The following CHSY3 variants were observed in gnomAD, a reference collection of about 807,000 sequenced individuals.
The protein encoded by CHSY3 is N-acetylgalactosaminyl-proteoglycan 3-beta-glucuronosyltransferase 3.
Under a neutral mutation model 67.2 loss-of-function variants are expected in CHSY3, and 35 were observed. The observed-to-expected ratio is 0.52, with a 90% CI of 0.40 to 0.69. The LOEUF is 0.69. Among genes scored for constraint, CHSY3 ranks in the 30% least tolerant of loss-of-function variants. CHSY3 has a pLI of 0.00. For missense variants in CHSY3, 1,069 were observed against 1,138.5 expected, an observed-to-expected ratio of 0.94 and a Z score of 0.88; for synonymous variants, 474 against 434.7, an observed-to-expected ratio of 1.09 and a Z score of -1.12.
At chr5:129,962,607 C>G (rs1452890579) in intron 2 of CHSY3, among the ~76,000 whole-genome samples, 3 of 152,020 alleles carry the variant, frequency 2.0e-5, no homozygotes, top group Non-Finnish European at 4.4e-5. Context: ...TGAGATCCTG[C>G]ATGGTCTGAC....
At chr5:130,001,357 TA>T in intron 2 of CHSY3, 1 of 821,446 alleles carries the variant, frequency 1.2e-6, no homozygotes, top group South Asian at 5.6e-5. Context: ...TCTTTCATTT[TA>T]AAATTCTTCT....
At chr5:129,935,894 C>A (rs1389417015) in intron 2 of CHSY3, among the ~76,000 whole-genome samples, 1 of 152,052 alleles carries the variant, frequency 6.6e-6, no homozygotes, top group Non-Finnish European at 1.5e-5. Flanking sequence ...AATCAAATTT[C>A]TGCAGAGGAG....
chr5:129,977,090 T>C (rs1312391978), intron 2 of CHSY3, among the ~76,000 whole-genome samples: 1 of 152,116 alleles, frequency 6.6e-6, no homozygotes. Flanking sequence ...AACCTTATGG[T>C]AGAAATTATT....
chr5:130,059,446 C>T (rs2149675704), intron 2 of CHSY3, among the ~76,000 whole-genome samples: 2 of 151,558 alleles, frequency 1.3e-5, no homozygotes, highest in East Asian at 1.9e-4. Context: ...CTCCTTCCCC[C>T]TCCCCCTCTC....
At chr5:130,126,726 A>T (rs1287961212) in intron 2 of CHSY3, among the ~76,000 whole-genome samples, 1 of 152,188 alleles carries the variant, frequency 6.6e-6, no homozygotes, top group African/African-American at 2.4e-5. Context: ...CTTTTCTGTC[A>T]CATAATTTAG....
At chr5:130,114,749 G>T (rs1232326735) in intron 2 of CHSY3, among the ~76,000 whole-genome samples, 1 of 152,124 alleles carries the variant, frequency 6.6e-6, no homozygotes, top group Non-Finnish European at 1.5e-5. Context: ...CAAAATATCT[G>T]CAAGTAGTGT....
At chr5:129,999,120 C>A (rs930251888) in intron 2 of CHSY3, among the ~76,000 whole-genome samples, 1 of 127,944 alleles carries the variant, frequency 7.8e-6, no homozygotes, top group Admixed American at 8.6e-5. Flanking sequence ...TAGCTCCCCC[C>A]TCCCTTTTTT....
intron 2 of CHSY3, among the ~76,000 whole-genome samples, chr5:129,937,249 G>A (rs531097145): frequency 1.3e-5 from 2 of 152,280 alleles, no homozygotes; most frequent in African/African-American, 4.8e-5. Context: ...GGAAGGTGAA[G>A]GGGAAGCAGG....
intron 2 of CHSY3, among the ~76,000 whole-genome samples, chr5:130,131,426 C>T (rs928494133): frequency 2.6e-5 from 4 of 152,152 alleles, no homozygotes; most frequent in African/African-American, 7.2e-5. Context: ...TCATACCACT[C>T]GTCTGCTTAA....
At chr5:130,151,505 C>T (rs1035010929) in intron 2 of CHSY3, among the ~76,000 whole-genome samples, 3 of 152,168 alleles carry the variant, frequency 2.0e-5, no homozygotes, top group Non-Finnish European at 4.4e-5. Context: ...GGGAACGTGG[C>T]TGTTGTGTTA....
intron 2 of CHSY3, among the ~76,000 whole-genome samples, chr5:130,046,316 T>A (rs929372487): frequency 3.9e-5 from 6 of 152,156 alleles, no homozygotes; most frequent in African/African-American, 1.4e-4. Context: ...TCTGTTATAC[T>A]ATTCTTTTAG....
chr5:129,952,786 G>A (rs1215784904), intron 2 of CHSY3, among the ~76,000 whole-genome samples: 2 of 152,164 alleles, frequency 1.3e-5, no homozygotes, highest in African/African-American at 2.4e-5. Flanking sequence ...CAGGAAGAGA[G>A]GAAAAGTAAC....
intron 2 of CHSY3, among the ~76,000 whole-genome samples, chr5:130,025,648 G>T (rs1453557595): frequency 6.6e-6 from 1 of 151,454 alleles, no homozygotes; most frequent in East Asian, 1.9e-4. Flanking sequence ...TTTGGTGTCT[G>T]TTGAAGGCCT....
intron 2 of CHSY3, among the ~76,000 whole-genome samples, chr5:130,142,773 T>C (rs2149720181): frequency 6.6e-6 from 1 of 152,254 alleles, no homozygotes; most frequent in East Asian, 1.9e-4. Flanking sequence ...TCCATGGTCT[T>C]CACCTTAATA....
At chr5:130,103,535 G>A (rs1445949461) in intron 2 of CHSY3, among the ~76,000 whole-genome samples, 1 of 151,808 alleles carries the variant, frequency 6.6e-6, no homozygotes, top group South Asian at 2.1e-4. Context: ...TCTTTTTGCT[G>A]AGCATATGCC....
intron 2 of CHSY3, among the ~76,000 whole-genome samples, chr5:130,043,759 A>AGCG (rs1765068809): frequency 6.6e-6 from 1 of 151,828 alleles, no homozygotes; most frequent in Non-Finnish European, 1.5e-5. Context: ...TGACGTGTGC[A>AGCG]TATGTTTTAT....
intron 2 of CHSY3, among the ~76,000 whole-genome samples, chr5:130,021,944 T>G (rs929316790): frequency 3.0e-4 from 46 of 152,090 alleles, no homozygotes; most frequent in African/African-American, 9.6e-4. Flanking sequence ...ATTGGAAAGA[T>G]CCATACGTAG....
At chr5:129,905,919 G>T (rs1760275347) in intron 1 of CHSY3, 3 of 568,906 alleles carry the variant, frequency 5.3e-6, no homozygotes, top group Admixed American at 3.5e-5. Context: ...TTACCTCGTC[G>T]GAGAGGTTAG....
intron 2 of CHSY3, among the ~76,000 whole-genome samples, chr5:129,915,354 A>C (rs1441236986): frequency 6.6e-6 from 1 of 152,192 alleles, no homozygotes; most frequent in Non-Finnish European, 1.5e-5. Context: ...ACCATTAAAC[A>C]ACATTCTAGT....
Sources: allele counts gnomAD v4.1 joint callset (sites outside exome capture counted in the v4.1 genomes callset), GRCh38; gene constraint gnomAD v4.1.1; transcripts MANE v1.5; gene names NCBI Gene and HGNC (gene_info 2026-07-23, HGNC 2026-07-21).